Variants in CLVS1 observed in about 807,000 individuals in gnomAD.
CLVS1 encodes clavesin-1.
CLVS1 carries 10 observed loss-of-function variants against 33.1 expected under a neutral mutation model. The observed-to-expected ratio is 0.30, with a 90% CI of 0.19 to 0.51. CLVS1 has a LOEUF of 0.51. CLVS1 is among the 20% of genes least tolerant of loss of function. The probability of loss-of-function intolerance (pLI) is 0.97; values close to 1 mark genes in which losing one functional copy is unlikely to be tolerated. For missense variants in CLVS1, 343 were observed against 433.4 expected, an observed-to-expected ratio of 0.79 and a Z score of 1.85; for synonymous variants, 163 against 166.1, an observed-to-expected ratio of 0.98 and a Z score of 0.14.
intron 2 of CLVS1, among the ~76,000 whole-genome samples, chr8:61,367,269 G>T (rs1813248137): frequency 6.6e-6 from 1 of 152,152 alleles, no homozygotes. Flanking sequence ...CTCCCACCAA[G>T]CAGAATGAGA....
chr8:61,473,844 T>C (rs1312980908), intron 5 of CLVS1, among the ~76,000 whole-genome samples: 1 of 152,170 alleles, frequency 6.6e-6, no homozygotes, highest in Admixed American at 6.5e-5. Flanking sequence ...GATAAGGAAC[T>C]CTGGAAGCAG....
intron 1 of CLVS1, among the ~76,000 whole-genome samples, chr8:61,078,645 C>A (rs528425885): frequency 3.3e-5 from 5 of 152,264 alleles, no homozygotes; most frequent in African/African-American, 1.2e-4. Context: ...TTGGGGGACA[C>A]TTTTGAGTCC....
chr8:61,017,502 A>G, the CLVS1 span, among the ~76,000 whole-genome samples: 2 of 152,270 alleles, frequency 1.3e-5, no homozygotes, highest in Admixed American at 6.5e-5. Context: ...ATGTAGCACA[A>G]CATGTTTTCT....
At position 61,499,584 on chromosome 8, in the gene CLVS1, G is replaced by GGT; in HGVS notation, c.*43_*44dup. The GGT allele has an allele frequency of 6.8e-7, 1 of 1,479,454 alleles. No individual in the cohort carries two copies. The highest frequency in any genetic ancestry group is 1.1e-5 in the South Asian group (1 of 88,186). The allele number at this position is 1,479,454 out of a possible 1,614,324, so 91.6% of individuals were successfully genotyped here. A position where few individuals can be genotyped will look rare whatever the true frequency, so the allele number is the denominator to read the frequency against. On this transcript the variant is annotated 3_prime_UTR_variant, in exon 6 of 6. Coordinates refer to ENST00000325897, the MANE Select transcript of CLVS1 (RefSeq NM_173519.3). ...ATGCTCCTGCACACTGGCCTTCAGT[G>GGT]GTATCAGCCACCCAGGAAGCACATG...
chr8:61,045,979 G>A, the CLVS1 span, among the ~76,000 whole-genome samples: 1 of 152,134 alleles, frequency 6.6e-6, no homozygotes, highest in Non-Finnish European at 1.5e-5. Flanking sequence ...CTGTGCAGAA[G>A]CTCTTTAGTT....
At chr8:61,348,003 A>T (rs1007220735) in intron 2 of CLVS1, among the ~76,000 whole-genome samples, 25 of 151,664 alleles carry the variant, frequency 1.6e-4, no homozygotes, top group Non-Finnish European at 2.9e-4. Context: ...GCGATTTTCA[A>T]TGTACAATAC....
chr8:61,247,144 T>C (rs1303432172), intron 2 of CLVS1, among the ~76,000 whole-genome samples: 1 of 152,250 alleles, frequency 6.6e-6, no homozygotes, highest in Non-Finnish European at 1.5e-5. Flanking sequence ...TTTTTATGGA[T>C]ACATAATATT....
chr8:61,212,080 A>T (rs182589243), intron 2 of CLVS1, among the ~76,000 whole-genome samples: 2 of 152,158 alleles, frequency 1.3e-5, no homozygotes, highest in African/African-American at 2.4e-5. Flanking sequence ...AGAACAGGAG[A>T]TAATAAATTC....
At chr8:61,085,822 G>A (rs1048502542) in intron 1 of CLVS1, among the ~76,000 whole-genome samples, 7 of 151,474 alleles carry the variant, frequency 4.6e-5, no homozygotes, top group African/African-American at 1.7e-4. Flanking sequence ...AGGAGATTGA[G>A]ACCATCCTGG....
chr8:61,216,333 C>T (rs1395139777), intron 2 of CLVS1, among the ~76,000 whole-genome samples: 1 of 152,168 alleles, frequency 6.6e-6, no homozygotes, highest in Non-Finnish European at 1.5e-5. Context: ...GTCTTGCTAG[C>T]CAAAAACATG....
At chr8:61,087,948 C>T (rs960485979) in intron 1 of CLVS1, among the ~76,000 whole-genome samples, 3 of 152,194 alleles carry the variant, frequency 2.0e-5, no homozygotes, top group African/African-American at 7.2e-5. Context: ...TTGTCCTGCT[C>T]CCCGTTAATC....
At chr8:61,104,897 C>T (rs1323887264) in intron 1 of CLVS1, among the ~76,000 whole-genome samples, 4 of 152,100 alleles carry the variant, frequency 2.6e-5, no homozygotes, top group South Asian at 2.1e-4. Flanking sequence ...GGTATGATCT[C>T]GGCTCACTGC....
At chr8:61,369,713 A>G (rs1400099575) in intron 2 of CLVS1, among the ~76,000 whole-genome samples, 1 of 152,232 alleles carries the variant, frequency 6.6e-6, no homozygotes, top group Non-Finnish European at 1.5e-5. Context: ...GAAATTGTCC[A>G]TTGCTGAACT....
intron 1 of CLVS1, among the ~76,000 whole-genome samples, chr8:61,295,602 C>T (rs978448213): frequency 1.2e-4 from 19 of 152,106 alleles, no homozygotes; most frequent in African/African-American, 3.9e-4. Context: ...GAGTGAGGTT[C>T]TGAAACTTGC....
chr8:61,353,093 G>A (rs1475500377), intron 2 of CLVS1, among the ~76,000 whole-genome samples: 1 of 151,928 alleles, frequency 6.6e-6, no homozygotes, highest in African/African-American at 2.4e-5. Flanking sequence ...GCTTAAAAGA[G>A]GAGTAGATAA....
At chr8:61,220,617 G>C (rs1585699736) in intron 2 of CLVS1, among the ~76,000 whole-genome samples, 1 of 148,666 alleles carries the variant, frequency 6.7e-6, no homozygotes, top group East Asian at 1.9e-4. Context: ...GGTTCTTTTT[G>C]CTTAGGATTG....
chr8:61,481,894 GC>G (rs1337658222), intron 5 of CLVS1, among the ~76,000 whole-genome samples: 3 of 152,234 alleles, frequency 2.0e-5, no homozygotes, highest in Admixed American at 1.3e-4. Flanking sequence ...TGGACAGTCT[GC>G]CTCCTCAAGT....
chr8:61,328,899 C>G (rs187056850), intron 2 of CLVS1, among the ~76,000 whole-genome samples: 2 of 152,262 alleles, frequency 1.3e-5, no homozygotes, highest in East Asian at 3.9e-4. Flanking sequence ...TAAATTAAGT[C>G]AATAAAATTA....
intron 2 of CLVS1, among the ~76,000 whole-genome samples, chr8:61,219,338 C>T (rs182304872): frequency 3.3e-4 from 50 of 152,176 alleles, no homozygotes; most frequent in African/African-American, 1.2e-3. Context: ...GTGTTGTTCT[C>T]GTCTCTGTGT....
Sources: gnomAD v4.1 joint callset for allele counts (sites outside exome capture counted in the v4.1 genomes callset) on GRCh38, gnomAD v4.1.1 for gene constraint, MANE v1.5 for transcripts, NCBI Gene and HGNC (gene_info 2026-07-23, HGNC 2026-07-21) for gene names.